Variants in ALKAL1 observed in about 807,000 individuals in gnomAD.
The protein encoded by ALKAL1 is ALK and LTK ligand 1.
Under a neutral mutation model 13.5 loss-of-function variants are expected in ALKAL1, and 23 were observed. That is an observed-to-expected ratio of 1.70 (90% CI 1.23 to 2.41). The LOEUF is 2.41. ALKAL1 is among the 30% of genes most tolerant of loss of function. The pLI, the probability that ALKAL1 is intolerant of heterozygous loss-of-function variation, is 0.00. For missense variants in ALKAL1, 181 were observed against 178.4 expected, an observed-to-expected ratio of 1.01 and a Z score of -0.08; for synonymous variants, 85 against 77.7, an observed-to-expected ratio of 1.09 and a Z score of -0.49.
intron 1 of ALKAL1, among the ~76,000 whole-genome samples, chr8:52,547,624 T>C (rs1267237274): frequency 6.6e-6 from 1 of 152,208 alleles, no homozygotes; most frequent in African/African-American, 2.4e-5. Context: ...ATGAGATAAA[T>C]GGGAGCCACA....
intron 1 of ALKAL1, among the ~76,000 whole-genome samples, chr8:52,559,908 G>A (rs1238870899): frequency 6.6e-6 from 1 of 151,980 alleles, no homozygotes; most frequent in Non-Finnish European, 1.5e-5. Flanking sequence ...TAGTTTCAAA[G>A]TTAAAGAAAC....
At chr8:52,541,490 G>C (rs142530883) in intron 2 of ALKAL1, among the ~76,000 whole-genome samples, 6 of 152,068 alleles carry the variant, frequency 3.9e-5, no homozygotes, top group African/African-American at 1.4e-4. Flanking sequence ...ATTTTTGGCC[G>C]GGCGTGGTGG....
At chr8:52,564,768 A>C (rs1410705865) in intron 1 of ALKAL1, among the ~76,000 whole-genome samples, 1 of 152,136 alleles carries the variant, frequency 6.6e-6, no homozygotes, top group East Asian at 1.9e-4. Flanking sequence ...GGTCGGTGGG[A>C]CTGAAACCCA....
At chr8:52,535,035 T>C (rs1443713992) in intron 4 of ALKAL1, among the ~76,000 whole-genome samples, 1 of 152,236 alleles carries the variant, frequency 6.6e-6, no homozygotes, top group African/African-American at 2.4e-5. Context: ...CTGTCTTCTA[T>C]GATCTAGCCC....
intron 1 of ALKAL1, among the ~76,000 whole-genome samples, chr8:52,546,166 G>A (rs1847366592): frequency 1.3e-5 from 2 of 152,224 alleles, no homozygotes; most frequent in South Asian, 2.1e-4. Flanking sequence ...GCACGTGACT[G>A]TAACTGTATT....
intron 1 of ALKAL1, among the ~76,000 whole-genome samples, chr8:52,559,156 T>C (rs1847514274): frequency 6.6e-6 from 1 of 152,092 alleles, no homozygotes; most frequent in African/African-American, 2.4e-5. Flanking sequence ...AGCCTCCACC[T>C]CCAACACTGA....
intron 1 of ALKAL1, among the ~76,000 whole-genome samples, chr8:52,545,371 A>G (rs1270861151): frequency 6.6e-6 from 1 of 152,080 alleles, no homozygotes; most frequent in African/African-American, 2.4e-5. Context: ...CCTCTGCCCT[A>G]TTGTTTATGT....
At chr8:52,563,209 G>A (rs1847568482) in intron 1 of ALKAL1, among the ~76,000 whole-genome samples, 1 of 152,162 alleles carries the variant, frequency 6.6e-6, no homozygotes, top group African/African-American at 2.4e-5. Flanking sequence ...CTTGAGGTCA[G>A]GAGTTCGAGA....
At chr8:52,563,760 G>A (rs768686562) in intron 1 of ALKAL1, among the ~76,000 whole-genome samples, 1 of 152,180 alleles carries the variant, frequency 6.6e-6, no homozygotes, top group African/African-American at 2.4e-5. Flanking sequence ...TGGACTGAGA[G>A]GCTCTGCCCG....
chr8:52,535,548 C>T (rs1317606131), intron 4 of ALKAL1, among the ~76,000 whole-genome samples: 1 of 39,236 alleles, frequency 2.5e-5, no homozygotes, highest in African/African-American at 1.5e-4. Flanking sequence ...AAGACCCTGT[C>T]TCAAAAAAAA....
chr8:52,541,314 A>C (rs1171076198), intron 2 of ALKAL1, among the ~76,000 whole-genome samples: 1 of 152,106 alleles, frequency 6.6e-6, no homozygotes, highest in Non-Finnish European at 1.5e-5. Context: ...ATATCTAGAG[A>C]AAATAAAAAA....
chr8:52,554,486 C>A (rs927488437), intron 1 of ALKAL1, among the ~76,000 whole-genome samples: 1 of 152,162 alleles, frequency 6.6e-6, no homozygotes, highest in Non-Finnish European at 1.5e-5. Context: ...CAATCTCTAA[C>A]AATCAAAAAC....
At chr8:52,538,156 G>A (rs972101399) in intron 4 of ALKAL1, among the ~76,000 whole-genome samples, 1 of 151,550 alleles carries the variant, frequency 6.6e-6, no homozygotes, top group Non-Finnish European at 1.5e-5. Flanking sequence ...GAACTACAGC[G>A]AGACATGAGG....
At chr8:52,537,912 C>T (rs1847277939) in intron 4 of ALKAL1, among the ~76,000 whole-genome samples, 1 of 151,944 alleles carries the variant, frequency 6.6e-6, no homozygotes, top group African/African-American at 2.4e-5. Flanking sequence ...GCTTGGCCAA[C>T]ATGGTAAACC....
rs138599636 is a variant in ALKAL1 at position 52,551,297 on chromosome 8, T to C, written c.191-8852A>G. 6.0e-3 allele frequency among the ~76,000 whole-genome samples: 909 copies of C among 151,990 alleles called. 10 individuals carry two copies. The highest frequency in any genetic ancestry group is 0.021 in the African/African-American group (869 of 41,378). On this transcript the variant is annotated intron_variant, in intron 1 of 4. Transcript: ENST00000358543. Reference sequence around the variant, plus strand: ...TCCGAAAATAGAAAATATTTATTTTTATTTTTATTTTTTTAGAGACAGAGT... The same window carrying C: ...TCCGAAAATAGAAAATATTTATTTTCATTTTTATTTTTTTAGAGACAGAGT...
chr8:52,544,702 T>C (rs1847349639), intron 1 of ALKAL1, among the ~76,000 whole-genome samples: 1 of 151,862 alleles, frequency 6.6e-6, no homozygotes, highest in African/African-American at 2.4e-5. Flanking sequence ...CAGGGAATAA[T>C]GATGTGTTGT....
chr8:52,546,711 A>C (rs1376591745), intron 1 of ALKAL1, among the ~76,000 whole-genome samples: 1 of 152,242 alleles, frequency 6.6e-6, no homozygotes, highest in Admixed American at 6.5e-5. Context: ...AGCTCCAGCC[A>C]ATGGATGCAG....
intron 1 of ALKAL1, among the ~76,000 whole-genome samples, chr8:52,554,354 A>G (rs770976082): frequency 6.6e-6 from 1 of 152,258 alleles, no homozygotes; most frequent in Non-Finnish European, 1.5e-5. Context: ...TACTTGCGGA[A>G]AACACAGGAT....
intron 1 of ALKAL1, among the ~76,000 whole-genome samples, chr8:52,562,883 C>T (rs2150348718): frequency 6.6e-6 from 1 of 152,286 alleles, no homozygotes; most frequent in Admixed American, 6.5e-5. Context: ...CCCGTGAGAA[C>T]ATCCAGATAG....
Sources: gnomAD v4.1 joint callset for allele counts (sites outside exome capture counted in the v4.1 genomes callset) on GRCh38, gnomAD v4.1.1 for gene constraint, MANE v1.5 for transcripts, NCBI Gene and HGNC (gene_info 2026-07-23, HGNC 2026-07-21) for gene names.